The following CPAMD8 variants were observed in gnomAD, a reference collection of about 807,000 sequenced individuals.
CPAMD8 encodes the protein C3 and PZP-like alpha-2-macroglobulin domain-containing protein 8.
In CPAMD8, 146 loss-of-function variants were observed where a neutral mutation model predicts 224.7. That is an observed-to-expected ratio of 0.65 (90% CI 0.57 to 0.75). CPAMD8 has a LOEUF of 0.75. Among genes scored for constraint, CPAMD8 ranks in the 30% least tolerant of loss-of-function variants. The pLI is 0.00. For missense variants in CPAMD8, 2,301 were observed against 2,537.5 expected, an observed-to-expected ratio of 0.91 and a Z score of 2.00; for synonymous variants, 966 against 1,044.6, an observed-to-expected ratio of 0.92 and a Z score of 1.45.
At chr19:17,006,189 T>TGAC (rs2056487433) in intron 7 of CPAMD8, among the ~76,000 whole-genome samples, 1 of 152,126 alleles carries the variant, frequency 6.6e-6, no homozygotes, top group African/African-American at 2.4e-5. Flanking sequence ...CTTGAACTCC[T>TGAC]GACCTCAGGT....
Position 16,976,044 on chromosome 19 carries a change from ACT to A in CPAMD8, c.1864_1865del (p.Ser622CysfsTer23). 1 of 1,609,058 alleles carries A rather than the reference ACT, an allele frequency of 6.2e-7. No homozygotes were observed. Among genetic ancestry groups the A allele is most frequent in the African/African-American group, 1.3e-5 (1 of 74,830 alleles). ...SCVCVAAVDKSVYLLRSGFRL... is the reference protein window; with the variant it reads ...SCVCVAAVDKXVYLLRSGFRL... ...GGAACCCAGACCTGAGCAGGTAGAC[ACT>A]CTTATCAACTGCGGCGACGCACACA... On this transcript the variant is annotated frameshift_variant, in exon 16 of 42. Coordinates refer to ENST00000443236, the MANE Select transcript of CPAMD8 (RefSeq NM_015692.5). LOFTEE classifies it high-confidence loss of function.
intron 7 of CPAMD8, 134 bp downstream of exon 7, chr19:17,008,371 C>T (rs903616121): frequency 2.3e-4 from 263 of 1,154,008 alleles, no homozygotes; most frequent in Non-Finnish European, 3.0e-4. Context: ...ACCTGCCCTC[C>T]GCTCCTCCTT....
intron 26 of CPAMD8, among the ~76,000 whole-genome samples, chr19:16,924,836 C>G (rs755634648): frequency 2.0e-5 from 3 of 152,322 alleles, no homozygotes; most frequent in African/African-American, 7.2e-5. Context: ...CCTCCTGCCT[C>G]GGCCTCCCAA....
intron 25 of CPAMD8, among the ~76,000 whole-genome samples, chr19:16,927,193 T>C (rs2053393636): frequency 6.6e-6 from 1 of 151,978 alleles, no homozygotes; most frequent in South Asian, 2.1e-4. Context: ...TTCCCACATG[T>C]TGTGGGAAGG....
At chr19:16,963,106 C>T (rs1360007211) in intron 18 of CPAMD8, among the ~76,000 whole-genome samples, 7 of 152,080 alleles carry the variant, frequency 4.6e-5, no homozygotes, top group African/African-American at 7.2e-5. Flanking sequence ...TTGTAAAGAC[C>T]GTTGATGCTA....
chr19:17,008,544 G>C lies in CPAMD8; in HGVS notation c.520C>G (p.Arg174Gly). 1 of 1,613,932 alleles carries C rather than the reference G, an allele frequency of 6.2e-7. No homozygotes were observed. Among genetic ancestry groups the C allele is most frequent in the South Asian group, 1.1e-5 (1 of 91,058 alleles). The change falls in exon 7 of 42, where the codon CGG (arginine) becomes GGG (glycine). Residue 174 changes from arginine (R) to glycine (G), a missense_variant. By Grantham distance (125) the Arg-to-Gly change is moderately radical. This residue lies in a region of CPAMD8 where 283 missense variants were observed against 340.6 expected (regional missense o/e 0.83). Coordinates refer to ENST00000443236, the MANE Select transcript of CPAMD8 (RefSeq NM_015692.5). ...TTTAAGTGTCTCCACTCTATCATCCGAGAGCCTCGGGGGTCCTGTTGGTGG... is the reference window on the plus strand; with the variant it reads ...TTTAAGTGTCTCCACTCTATCATCCCAGAGCCTCGGGGGTCCTGTTGGTGG... The part of the protein sequence containing the change: ...EAYILDPRGS[R>G]MIEWRHLKPF...
intron 35 of CPAMD8, among the ~76,000 whole-genome samples, chr19:16,901,746 G>A (rs2052266227): frequency 6.6e-6 from 1 of 152,126 alleles, no homozygotes; most frequent in Admixed American, 6.5e-5. Context: ...GGGGAGGGAG[G>A]TAACTGGGCA....
intron 29 of CPAMD8, among the ~76,000 whole-genome samples, chr19:16,909,019 G>A (rs959393046): frequency 2.6e-5 from 4 of 152,278 alleles, no homozygotes; most frequent in South Asian, 2.1e-4. Context: ...ACAGACAAGC[G>A]GATGCAACGG....
intron 20 of CPAMD8, among the ~76,000 whole-genome samples, chr19:16,950,295 C>A (rs953392289): frequency 6.6e-6 from 1 of 151,844 alleles, no homozygotes; most frequent in Non-Finnish European, 1.5e-5. Flanking sequence ...GAGATCCTAT[C>A]TCAAATAAAT....
At chr19:16,998,913 A>C (rs1478284448) in intron 10 of CPAMD8, among the ~76,000 whole-genome samples, 1 of 152,184 alleles carries the variant, frequency 6.6e-6, no homozygotes, top group Non-Finnish European at 1.5e-5. Context: ...AATAGCCAAA[A>C]AGCAGAAACA....
At chr19:16,996,959 C>T in intron 11 of CPAMD8, 152 bp downstream of exon 11, 1 of 638,364 alleles carries the variant, frequency 1.6e-6, no homozygotes, top group Non-Finnish European at 2.9e-6. Context: ...GTCCCCTGCC[C>T]CTCACCTGGA....
chr19:16,958,275 C>T (rs1187677673), intron 18 of CPAMD8, among the ~76,000 whole-genome samples: 1 of 152,116 alleles, frequency 6.6e-6, no homozygotes, highest in Admixed American at 6.6e-5. Context: ...CTCTGTCTTC[C>T]CATCCCCCAT....
Position 16,903,758 on chromosome 19 carries a change from A to T in CPAMD8, c.4351T>A (p.Tyr1451Asn), listed in dbSNP as rs1360661132. The change falls in exon 33 of 42, where the codon TAC becomes AAC. Residue 1451 changes from tyrosine to asparagine, a missense_variant. Tyr to Asn is a moderately radical substitution (Grantham distance 143, BLOSUM62 -2). Transcript: ENST00000443236. ...TVSLASTNLDYQETFELHRTN... is the reference protein window; with the variant it reads ...TVSLASTNLDNQETFELHRTN... ...CTGTGCAGCTCGAAGGTTTCCTGGT[A>T]GTCCAGGTTGGTGGAGGCCAGGGAG... 3 of 1,614,048 alleles carry T rather than the reference A, an allele frequency of 1.9e-6. No homozygotes were observed. Among genetic ancestry groups the T allele is most frequent in the Non-Finnish European group, 2.5e-6 (3 of 1,179,998 alleles).
intron 13 of CPAMD8, among the ~76,000 whole-genome samples, chr19:16,987,469 A>G (rs1483835323): frequency 1.3e-5 from 2 of 151,682 alleles, no homozygotes; most frequent in Non-Finnish European, 2.9e-5. Context: ...AACAGTCAAG[A>G]TATTTTCTCT....
chr19:16,960,225 AG>A (rs1223931174), intron 18 of CPAMD8, among the ~76,000 whole-genome samples: 1 of 151,788 alleles, frequency 6.6e-6, no homozygotes, highest in Non-Finnish European at 1.5e-5. Flanking sequence ...AAAAAAAAAA[AG>A]GCTTTCTCAA....
rs374911920 is a variant in CPAMD8 at position 17,017,084 on chromosome 19, G to A, written c.267+3247C>T. On this transcript the variant is annotated intron_variant, in intron 3 of 41. Coordinates refer to ENST00000443236, the MANE Select transcript of CPAMD8 (RefSeq NM_015692.5). ...GCCGCTCCCCATCACTCACATTACT[G>A]CCTAAGCTCCGCCTCCCATCAGATC... 6.0e-4 allele frequency among the ~76,000 whole-genome samples: 91 copies of A among 152,168 alleles called. 1 individual carries two copies. The highest frequency in any genetic ancestry group is 2.1e-3 in the African/African-American group (87 of 41,528).
intron 23 of CPAMD8, among the ~76,000 whole-genome samples, chr19:16,931,111 GT>G (rs2053532854): frequency 6.6e-6 from 1 of 152,230 alleles, no homozygotes; most frequent in African/African-American, 2.4e-5. Flanking sequence ...TATGGCTGCT[GT>G]CACTGGAAGC....
chr19:16,896,054 C>T, intron 41 of CPAMD8, 122 bp downstream of exon 41: 1 of 1,087,144 alleles, frequency 9.2e-7, no homozygotes, highest in Non-Finnish European at 1.4e-6. Flanking sequence ...CTCCCACTGC[C>T]AGTGGGGGGT....
chr19:16,952,254 AG>A (rs937151336), intron 19 of CPAMD8, 54 bp from the exon 20 acceptor site: 3 of 1,032,958 alleles, frequency 2.9e-6, no homozygotes, highest in African/African-American at 3.2e-5. Context: ...GCCATGCCTC[AG>A]GGGGGCCAGT....
Sources: allele counts gnomAD v4.1 joint callset (sites outside exome capture counted in the v4.1 genomes callset), GRCh38; gene constraint gnomAD v4.1.1; regional missense constraint gnomAD v4.1.1; transcripts MANE v1.5; gene names NCBI Gene and HGNC (gene_info 2026-07-23, HGNC 2026-07-21).